Variants in GABRR1 observed in about 807,000 individuals in gnomAD.
GABRR1 encodes gamma-aminobutyric acid receptor subunit rho-1.
A neutral mutation model predicts 55.5 loss-of-function variants in GABRR1; 59 were observed. The observed-to-expected ratio is 1.06, with a 90% CI of 0.86 to 1.32. GABRR1 has a LOEUF of 1.32. GABRR1 is among the 40% of genes most tolerant of loss of function. GABRR1 has a pLI of 0.00. For synonymous variants in GABRR1, 213 were observed against 226.0 expected (o/e 0.94, Z 0.51); for missense variants, 602 against 619.1 (o/e 0.97, Z 0.29).
chr6:89,226,677 A>G (rs1428500906), intron 1 of GABRR1, among the ~76,000 whole-genome samples: 1 of 97,368 alleles, frequency 1.0e-5, no homozygotes, highest in Non-Finnish European at 2.1e-5. Flanking sequence ...GCCTTGTAGT[A>G]TAGTTTGAAG....
At chr6:89,225,834 C>T (rs1429859905) in intron 1 of GABRR1, among the ~76,000 whole-genome samples, 3 of 128,086 alleles carry the variant, frequency 2.3e-5, no homozygotes, top group African/African-American at 6.3e-5. Context: ...CCTGAGGAAT[C>T]GCCACATTGA....
intron 1 of GABRR1, among the ~76,000 whole-genome samples, chr6:89,227,088 A>G: frequency 1.0e-5 from 1 of 98,454 alleles, no homozygotes; most frequent in East Asian, 3.1e-4. Flanking sequence ...GTGTATAAGA[A>G]TGCTTGTGAT....
chr6:89,190,511 A>G (rs537682028), intron 5 of GABRR1, among the ~76,000 whole-genome samples: 1 of 152,340 alleles, frequency 6.6e-6, no homozygotes, highest in South Asian at 2.1e-4. Context: ...CATTTTAAAG[A>G]AGCAATGGTC....
In GABRR1 at chr6:89,212,657, G is replaced by GTTATTTAT. The variant is rs6149685; in HGVS notation, c.122+4536_122+4543dup. Among the ~76,000 whole-genome samples, 247 of 149,110 alleles carry GTTATTTAT rather than the reference G, an allele frequency of 1.7e-3. 1 individual carries two copies. Among genetic ancestry groups the GTTATTTAT allele is most frequent in the African/African-American group, 3.2e-3 (130 of 40,140 alleles). On this transcript the variant is annotated intron_variant, in intron 1 of 9. Coordinates refer to ENST00000454853, the MANE Select transcript of GABRR1 (RefSeq NM_002042.5). Reference sequence around the variant, plus strand: ...GGAGAGGACCGGCAGTAAGTTTTGGGTTATTTATTTATTTATTTATTTATT... The same window carrying GTTATTTAT: ...GGAGAGGACCGGCAGTAAGTTTTGGGTTATTTATTTATTTATTTATTTATTTATTTATT...
At chr6:89,185,845 T>C (rs141500286) in intron 6 of GABRR1, among the ~76,000 whole-genome samples, 2,004 of 152,304 alleles carry the variant, frequency 0.013, 20 homozygotes, top group Non-Finnish European at 0.02. Flanking sequence ...CCTTTCTTCT[T>C]TCAAAGTGTG....
chr6:89,187,239 G>T, intron 6 of GABRR1, among the ~76,000 whole-genome samples: 1 of 151,980 alleles, frequency 6.6e-6, no homozygotes, highest in East Asian at 1.9e-4. Context: ...GTTGTGTTGT[G>T]TTAAAATACA....
chr6:89,196,789 A>G (rs1161581086), intron 5 of GABRR1, among the ~76,000 whole-genome samples: 2 of 149,432 alleles, frequency 1.3e-5, no homozygotes, highest in African/African-American at 5.0e-5. Context: ...AAAAAAGAAA[A>G]GAAGGAAAGA....
At chr6:89,192,317 A>G (rs1421530927) in intron 5 of GABRR1, among the ~76,000 whole-genome samples, 2 of 152,108 alleles carry the variant, frequency 1.3e-5, no homozygotes, top group Admixed American at 6.5e-5. Context: ...ACACTCACAG[A>G]TAAGTACAGT....
intron 7 of GABRR1, among the ~76,000 whole-genome samples, chr6:89,182,601 C>T (rs1386616297): frequency 6.6e-6 from 1 of 152,168 alleles, no homozygotes; most frequent in Non-Finnish European, 1.5e-5. Context: ...GTCATTTAAA[C>T]TCCTGTTACT....
chr6:89,181,278 T>C (rs1273914355), intron 8 of GABRR1, among the ~76,000 whole-genome samples: 1 of 152,174 alleles, frequency 6.6e-6, no homozygotes, highest in Non-Finnish European at 1.5e-5. Context: ...TAAAACCTGG[T>C]GGGTCGCATT....
intron 9 of GABRR1, 43 bp downstream of exon 9, chr6:89,180,249 G>A (rs1279986887): frequency 6.3e-7 from 1 of 1,588,310 alleles, no homozygotes; most frequent in South Asian, 1.1e-5. Context: ...AGCTAGATCA[G>A]GTTCCATCCT....
intron 2 of GABRR1, among the ~76,000 whole-genome samples, chr6:89,203,044 C>A (rs1273591117): frequency 6.6e-6 from 1 of 152,152 alleles, no homozygotes; most frequent in African/African-American, 2.4e-5. Flanking sequence ...GAAAGTGCTA[C>A]ACAAATGGGA....
intron 2 of GABRR1, among the ~76,000 whole-genome samples, chr6:89,201,638 G>A (rs1459914166): frequency 6.6e-6 from 1 of 152,112 alleles, no homozygotes. Context: ...ACTTAGCTGG[G>A]CGTGGTGGCA....
chr6:89,196,758 T>C (rs116275656), intron 5 of GABRR1, among the ~76,000 whole-genome samples: 4,601 of 140,814 alleles, frequency 0.033, 228 homozygotes, highest in African/African-American at 0.12. Flanking sequence ...GCCTGGGCAA[T>C]AGAGCAAAAC....
chr6:89,180,670 T>A (rs1040889451), intron 8 of GABRR1, among the ~76,000 whole-genome samples, 182 bp from the exon 9 acceptor site: 3 of 152,148 alleles, frequency 2.0e-5, no homozygotes, highest in Non-Finnish European at 4.4e-5. Flanking sequence ...GCTTTTCCTG[T>A]TCCTCTCCCC....
chr6:89,180,934 T>G (rs1771699887), intron 8 of GABRR1, among the ~76,000 whole-genome samples: 1 of 152,236 alleles, frequency 6.6e-6, no homozygotes, highest in Non-Finnish European at 1.5e-5. Context: ...CCTGTTGTCC[T>G]GGGCCTGCGT....
rs149974572 is a variant in GABRR1 at position 89,190,855 on chromosome 6, T to C, written c.573-608A>G. On this transcript the variant is annotated intron_variant, in intron 5 of 9. Coordinates refer to ENST00000454853, the MANE Select transcript of GABRR1 (RefSeq NM_002042.5). ...GTTAATAGGCAAGCACTTGCTGGCA[T>C]TGAGTGATTTTATTTCAGAATTTAC... is the stretch of plus-strand genomic sequence containing the variant. Among the ~76,000 whole-genome samples the C allele has an allele frequency of 6.8e-3, 1,034 of 152,328 alleles. 28 individuals carry two copies. Among genetic ancestry groups the C allele is most frequent in the Admixed American group, 0.06 (915 of 15,298 alleles).
intron 7 of GABRR1, 120 bp downstream of exon 7, chr6:89,185,190 T>C: frequency 7.5e-7 from 1 of 1,325,196 alleles, no homozygotes; most frequent in Non-Finnish European, 1.1e-6. Flanking sequence ...TGTCTTTAGT[T>C]TCAAATATAA....
chr6:89,214,176 A>G (rs1772914539), intron 1 of GABRR1, among the ~76,000 whole-genome samples: 2 of 61,328 alleles, frequency 3.3e-5, no homozygotes, highest in African/African-American at 1.5e-4. Flanking sequence ...TACTGATCTT[A>G]GAGAATGAAA....
Sources: allele counts gnomAD v4.1 joint callset (sites outside exome capture counted in the v4.1 genomes callset), GRCh38; gene constraint gnomAD v4.1.1; transcripts MANE v1.5; gene names NCBI Gene and HGNC (gene_info 2026-07-23, HGNC 2026-07-21).